The following FARS2 variants were observed in gnomAD, a reference collection of about 807,000 sequenced individuals.
The protein encoded by FARS2 is phenylalanine--tRNA ligase, mitochondrial.
A neutral mutation model predicts 46.4 loss-of-function variants in FARS2; 40 were observed. The observed-to-expected ratio is 0.86, with a 90% CI of 0.67 to 1.12. The LOEUF (loss-of-function observed/expected upper bound fraction) is 1.12. Among genes scored for constraint, FARS2 ranks in the 50% most tolerant of loss-of-function variants. The pLI is 0.00. For synonymous variants in FARS2, 234 were observed against 214.9 expected, an observed-to-expected ratio of 1.09 and a Z score of -0.78; for missense variants, 513 against 567.9, an observed-to-expected ratio of 0.90 and a Z score of 0.98.
Position 5,608,628 on chromosome 6 carries a change from G to C in FARS2, c.1066-4541G>C, listed in dbSNP as rs578134060. Among the ~76,000 whole-genome samples, 795 of 152,090 alleles carry C rather than the reference G, an allele frequency of 5.2e-3. 6 individuals carry two copies. Among genetic ancestry groups the C allele is most frequent in the African/African-American group, 0.019 (770 of 41,500 alleles). ...AGATTCAATTTAGATATATTGCATA[G>C]GATGGGCCAACAATCATTTTTATAA... On this transcript the variant is annotated intron_variant, in intron 5 of 6. Coordinates refer to ENST00000274680, the MANE Select transcript of FARS2 (RefSeq NM_006567.5).
chr6:5,362,651 C>T (rs1033965455), intron 1 of FARS2, among the ~76,000 whole-genome samples: 2 of 152,128 alleles, frequency 1.3e-5, no homozygotes, highest in Non-Finnish European at 2.9e-5. Flanking sequence ...TTTTTTGAAC[C>T]TCCATACTAT....
intron 6 of FARS2, among the ~76,000 whole-genome samples, chr6:5,732,577 A>C (rs1404496948): frequency 1.3e-5 from 2 of 152,184 alleles, no homozygotes; most frequent in Non-Finnish European, 2.9e-5. Context: ...AGAGAATTAG[A>C]GAACTTGGAA....
chr6:5,296,929 G>T (rs950503023), intron 1 of FARS2, among the ~76,000 whole-genome samples: 1 of 152,018 alleles, frequency 6.6e-6, no homozygotes, highest in South Asian at 2.1e-4. Context: ...AGTTCTTCTG[G>T]GTACAGACCC....
At chr6:5,652,869 A>C (rs910888829) in intron 6 of FARS2, among the ~76,000 whole-genome samples, 1 of 152,226 alleles carries the variant, frequency 6.6e-6, no homozygotes. Context: ...GCTGCCCCAG[A>C]CAGTCTGTAA....
chr6:5,395,168 A>G (rs553209407), intron 2 of FARS2, among the ~76,000 whole-genome samples: 1 of 152,080 alleles, frequency 6.6e-6, no homozygotes, highest in Non-Finnish European at 1.5e-5. Context: ...CTCCTGCCTC[A>G]GCCTTCTGAG....
chr6:5,448,276 C>T (rs889481167), intron 4 of FARS2, among the ~76,000 whole-genome samples: 18 of 152,128 alleles, frequency 1.2e-4, no homozygotes, highest in African/African-American at 4.3e-4. Flanking sequence ...GGGAGTCCGC[C>T]TCTTCATGTA....
At chr6:5,646,991 A>G (rs1777114251) in intron 6 of FARS2, among the ~76,000 whole-genome samples, 2 of 152,174 alleles carry the variant, frequency 1.3e-5, no homozygotes, top group African/African-American at 4.8e-5. Flanking sequence ...AACCCCCTCC[A>G]TGTCCCCTTT....
At chr6:5,613,963 A>G (rs1436493792) in intron 6 of FARS2, among the ~76,000 whole-genome samples, 1 of 152,188 alleles carries the variant, frequency 6.6e-6, no homozygotes, top group Admixed American at 6.5e-5. Flanking sequence ...AAGAAGGAGC[A>G]TCGCAGATAG....
At chr6:5,307,484 C>A (rs1202870979) in intron 1 of FARS2, among the ~76,000 whole-genome samples, 6 of 152,164 alleles carry the variant, frequency 3.9e-5, no homozygotes, top group African/African-American at 1.4e-4. Flanking sequence ...TGATATTTTA[C>A]ACACACGCGT....
At position 5,710,704 on chromosome 6, in the gene FARS2, G is replaced by A. The variant is rs188135170; in HGVS notation, c.1218-60587G>A. On this transcript the variant is annotated intron_variant, in intron 6 of 6. Coordinates refer to ENST00000274680, the MANE Select transcript of FARS2 (RefSeq NM_006567.5). ...GCAGAGTGCCAGACAGGCAAGAGCT[G>A]CCCAGAGAGAGGGCTCTGGATTTCC... is the stretch of plus-strand genomic sequence containing the variant. Among the ~76,000 whole-genome samples the A allele has an allele frequency of 9.2e-5, 14 of 152,354 alleles. 1 individual carries two copies. In the East Asian group the frequency reaches 1.9e-3, roughly 21 times the overall value.
At chr6:5,541,731 A>G (rs1770649493) in intron 4 of FARS2, among the ~76,000 whole-genome samples, 1 of 152,230 alleles carries the variant, frequency 6.6e-6, no homozygotes, top group African/African-American at 2.4e-5. Flanking sequence ...TCCGCAGTGT[A>G]AAGTGAAAGC....
chr6:5,619,042 A>G (rs1223503309), intron 6 of FARS2, among the ~76,000 whole-genome samples: 1 of 152,206 alleles, frequency 6.6e-6, no homozygotes, highest in Non-Finnish European at 1.5e-5. Context: ...CTGTAACACC[A>G]GTTGCTCAGA....
intron 6 of FARS2, among the ~76,000 whole-genome samples, chr6:5,632,706 G>A (rs945204739): frequency 6.8e-6 from 1 of 147,034 alleles, no homozygotes; most frequent in African/African-American, 2.5e-5. Context: ...TCTCATCGTG[G>A]TTTCAATTTG....
At chr6:5,589,741 A>G (rs552532898) in intron 5 of FARS2, among the ~76,000 whole-genome samples, 1 of 152,366 alleles carries the variant, frequency 6.6e-6, no homozygotes, top group South Asian at 2.1e-4. Flanking sequence ...TATGAAAATA[A>G]GTGCTGAATA....
chr6:5,263,511 C>A (rs965438925), intron 1 of FARS2, among the ~76,000 whole-genome samples: 1 of 152,068 alleles, frequency 6.6e-6, no homozygotes, highest in African/African-American at 2.4e-5. Flanking sequence ...ATCTTCATTG[C>A]GGAGATGACT....
intron 6 of FARS2, among the ~76,000 whole-genome samples, chr6:5,738,474 C>A (rs913393849): frequency 6.6e-6 from 1 of 152,102 alleles, no homozygotes; most frequent in Non-Finnish European, 1.5e-5. Context: ...CAGAATATGT[C>A]CAAAGATGAA....
At chr6:5,317,672 C>T (rs893609184) in intron 1 of FARS2, among the ~76,000 whole-genome samples, 15 of 151,542 alleles carry the variant, frequency 9.9e-5, no homozygotes, top group Non-Finnish European at 1.9e-4. Context: ...TGCAGCTACT[C>T]GGAGGGCGGA....
Position 5,764,712 on chromosome 6 carries a change from G to A in FARS2, c.1218-6579G>A, listed in dbSNP as rs762437204. Among the ~76,000 whole-genome samples, 6 of 152,214 alleles carry A rather than the reference G, an allele frequency of 3.9e-5. No homozygotes were observed. Among genetic ancestry groups the A allele is most frequent in the Non-Finnish European group, 8.8e-5 (6 of 68,048 alleles). The stretch of plus-strand genomic sequence containing the variant: ...CTGCTCTGTCACAGATGGAGAAGCA[G>A]ACTATTGTGGATGTTGCAGGAGCTG... On this transcript the variant is annotated intron_variant, in intron 6 of 6. Coordinates refer to ENST00000274680, the MANE Select transcript of FARS2 (RefSeq NM_006567.5). This position sits in a 1 kb window ranked among gnomAD's most constrained non-coding sequence, Gnocchi z 4.1.
At chr6:5,652,974 G>A (rs1443210640) in intron 6 of FARS2, among the ~76,000 whole-genome samples, 2 of 152,202 alleles carry the variant, frequency 1.3e-5, no homozygotes, top group Non-Finnish European at 2.9e-5. Flanking sequence ...TTTGGGGCTT[G>A]TGTGTATGCA....
Sources: gnomAD v4.1 joint callset for allele counts (sites outside exome capture counted in the v4.1 genomes callset) on GRCh38, gnomAD v4.1.1 for gene constraint, Gnocchi (gnomAD v3.1) non-coding constraint, MANE v1.5 for transcripts, NCBI Gene and HGNC (gene_info 2026-07-23, HGNC 2026-07-21) for gene names.